Variants in ERC2 observed in about 807,000 individuals in gnomAD.
ERC2 encodes the protein ERC protein 2.
Under a neutral mutation model 114.8 loss-of-function variants are expected in ERC2, and 42 were observed. That is an observed-to-expected ratio of 0.37 (90% CI 0.29 to 0.47). The LOEUF is 0.47. Ranked by LOEUF, ERC2 falls within the 20% of genes least tolerant of loss-of-function variation. The pLI is 0.99. For missense variants in ERC2, 939 were observed against 1,150.7 expected, an observed-to-expected ratio of 0.82 and a Z score of 2.66; for synonymous variants, 454 against 425.5, an observed-to-expected ratio of 1.07 and a Z score of -0.82.
intron 13 of ERC2, among the ~76,000 whole-genome samples, chr3:55,901,911 C>T (rs762558905): frequency 1.3e-5 from 2 of 152,148 alleles, no homozygotes; most frequent in Admixed American, 6.5e-5. Flanking sequence ...GACTTGATAC[C>T]GACTGAATCA....
chr3:55,697,949 G>C (rs905181716), intron 16 of ERC2, among the ~76,000 whole-genome samples: 3 of 152,018 alleles, frequency 2.0e-5, no homozygotes, highest in Non-Finnish European at 4.4e-5. Flanking sequence ...AGGATGCCAG[G>C]TCTACTGGAG....
chr3:55,630,063 G>C (rs2059683425), intron 17 of ERC2, among the ~76,000 whole-genome samples: 1 of 152,206 alleles, frequency 6.6e-6, no homozygotes, highest in African/African-American at 2.4e-5. Context: ...AGCCAGACTG[G>C]GGGAGCCCTT....
At chr3:55,540,075 A>T (rs2054293443) in intron 17 of ERC2, among the ~76,000 whole-genome samples, 1 of 152,138 alleles carries the variant, frequency 6.6e-6, no homozygotes, top group African/African-American at 2.4e-5. Flanking sequence ...TCCCAAGGGC[A>T]TCTTAGGGAG....
intron 14 of ERC2, among the ~76,000 whole-genome samples, chr3:55,749,578 G>A (rs773639686): frequency 6.6e-6 from 1 of 152,160 alleles, no homozygotes; most frequent in Non-Finnish European, 1.5e-5. Context: ...GCACCAATCA[G>A]CGCTCTATAA....
At chr3:56,060,976 C>T (rs544995272) in intron 7 of ERC2, among the ~76,000 whole-genome samples, 2 of 152,296 alleles carry the variant, frequency 1.3e-5, no homozygotes, top group Admixed American at 6.5e-5. Context: ...TCTGCACTCT[C>T]GTAAATTTTT....
chr3:55,562,277 C>T (rs762591396), intron 17 of ERC2, among the ~76,000 whole-genome samples: 30 of 152,022 alleles, frequency 2.0e-4, no homozygotes, highest in South Asian at 6.2e-4. Flanking sequence ...CTCAGCCTCC[C>T]GAGTAGCTGG....
intron 16 of ERC2, among the ~76,000 whole-genome samples, chr3:55,699,130 T>C (rs187829313): frequency 2.0e-3 from 296 of 151,026 alleles, no homozygotes; most frequent in Admixed American, 7.2e-3. Flanking sequence ...TACATATCTA[T>C]GAAAGAAGAA....
At chr3:55,925,500 A>T (rs892340552) in intron 13 of ERC2, among the ~76,000 whole-genome samples, 3 of 152,164 alleles carry the variant, frequency 2.0e-5, no homozygotes, top group African/African-American at 7.2e-5. Flanking sequence ...GAGCAATTAG[A>T]TGTGAGAACA....
At chr3:56,329,861 A>ATATATATATTTCCAC (rs575721176) in intron 2 of ERC2, among the ~76,000 whole-genome samples, 16 of 150,986 alleles carry the variant, frequency 1.1e-4, no homozygotes, top group Non-Finnish European at 1.9e-4. Context: ...TATTTCCACC[A>ATATATATATTTCCAC]TATATATATT....
intron 1 of ERC2, among the ~76,000 whole-genome samples, chr3:56,437,878 G>A (rs879573481): frequency 2.2e-4 from 34 of 152,114 alleles, no homozygotes; most frequent in Middle Eastern, 6.3e-3. Context: ...GGGAGCAGAC[G>A]ACAAAACAAT....
intron 3 of ERC2, among the ~76,000 whole-genome samples, chr3:56,272,646 T>C (rs1038807099): frequency 6.6e-6 from 1 of 152,202 alleles, no homozygotes; most frequent in Non-Finnish European, 1.5e-5. Context: ...AGTGCATGCC[T>C]GTAATCCCAG....
intron 14 of ERC2, among the ~76,000 whole-genome samples, chr3:55,851,961 G>C (rs889375773): frequency 2.0e-5 from 3 of 152,176 alleles, no homozygotes; most frequent in Non-Finnish European, 4.4e-5. Flanking sequence ...AGCGGCTCAC[G>C]CCTGTTACCC....
chr3:56,435,238 G>T, intron 1 of ERC2, 91 bp from the exon 2 acceptor site: 3 of 439,922 alleles, frequency 6.8e-6, no homozygotes, highest in Non-Finnish European at 1.2e-5. Flanking sequence ...AATGATAGAT[G>T]TACCTATGTA....
At chr3:55,895,557 G>T (rs1302683708) in intron 13 of ERC2, among the ~76,000 whole-genome samples, 9 of 152,110 alleles carry the variant, frequency 5.9e-5, no homozygotes, top group Admixed American at 2.6e-4. Flanking sequence ...AGTTTTCATT[G>T]CCTGCACCCA....
intron 17 of ERC2, among the ~76,000 whole-genome samples, chr3:55,624,456 G>A (rs1365575820): frequency 6.6e-6 from 1 of 152,194 alleles, no homozygotes; most frequent in Non-Finnish European, 1.5e-5. Context: ...GGATGGGAAA[G>A]TTCTGAGTCA....
intron 17 of ERC2, among the ~76,000 whole-genome samples, chr3:55,523,548 C>T (rs2053105835): frequency 6.6e-6 from 1 of 152,194 alleles, no homozygotes; most frequent in South Asian, 2.1e-4. Flanking sequence ...TCTTGCCAAA[C>T]ACCGTCTTGA....
At chr3:55,674,613 G>A (rs775100402) in intron 17 of ERC2, among the ~76,000 whole-genome samples, 2 of 152,172 alleles carry the variant, frequency 1.3e-5, no homozygotes, top group African/African-American at 2.4e-5. Flanking sequence ...CCCTCTGATG[G>A]ACAAAGATAC....
In ERC2 at chr3:56,349,928, A is replaced by G. The variant is rs75966451; in HGVS notation, c.658-53493T>C. Among the ~76,000 whole-genome samples, 16 of 151,836 alleles carry G rather than the reference A, an allele frequency of 1.1e-4. No individual in the cohort carries two copies. The South Asian group carries it at 3.3e-3, about 31-fold the overall frequency. On this transcript the variant is annotated intron_variant, in intron 2 of 17. Transcript: ENST00000288221. The stretch of plus-strand genomic sequence containing the variant: ...ACTCCGTCTCAAAAAAAAAAAAAGA[A>G]AAAAAGAAAAACTACCTATCAGGTA...
At chr3:56,129,332 G>A (rs1426550556) in intron 6 of ERC2, among the ~76,000 whole-genome samples, 1 of 152,208 alleles carries the variant, frequency 6.6e-6, no homozygotes, top group African/African-American at 2.4e-5. Context: ...GGAATGGAGG[G>A]AAGTGTGACA....
Sources: allele counts gnomAD v4.1 joint callset (sites outside exome capture counted in the v4.1 genomes callset), GRCh38; gene constraint gnomAD v4.1.1; transcripts MANE v1.5; gene names NCBI Gene and HGNC (gene_info 2026-07-23, HGNC 2026-07-21).